Variants in DYNC1LI1 observed in about 807,000 individuals in gnomAD.
The protein encoded by DYNC1LI1 is dynein cytoplasmic 1 light intermediate chain 1.
In DYNC1LI1, 19 loss-of-function variants were observed where a neutral mutation model predicts 63.8. The observed-to-expected ratio is 0.30, with a 90% CI of 0.21 to 0.44. The LOEUF (loss-of-function observed/expected upper bound fraction) is 0.44, where lower values mean the gene tolerates loss of function less well. Among genes scored for constraint, DYNC1LI1 ranks in the 20% least tolerant of loss-of-function variants. DYNC1LI1 has a pLI of 1.00. For synonymous variants in DYNC1LI1, 225 were observed against 232.3 expected, an observed-to-expected ratio of 0.97 and a Z score of 0.28; for missense variants, 565 against 630.2, an observed-to-expected ratio of 0.90 and a Z score of 1.11.
chr3:32,545,892 T>C lies in DYNC1LI1; in HGVS notation c.294A>G (p.Gly98=), dbSNP rs1174169620. ...GCACATTTAAGTACAAATATTCCAA[T>C]CCTCTTCCTTTCTTATACTCCTCTA... ...QGIEEYKKGR[G]LEYLYLNVHD... Residue 98 remains glycine (G), a synonymous_variant, in exon 3 of 13, where the codon GGA becomes GGG. Coordinates refer to ENST00000273130, the MANE Select transcript of DYNC1LI1 (RefSeq NM_016141.4). 1.2e-6 allele frequency: 2 copies of C among 1,612,994 alleles called. No homozygotes were observed. The highest frequency in any genetic ancestry group is 1.7e-6 in the Non-Finnish European group (2 of 1,179,310).
chr3:32,530,589 T>C (rs978296713), intron 8 of DYNC1LI1, 69 bp from the exon 9 acceptor site: 6 of 1,318,292 alleles, frequency 4.6e-6, no homozygotes, highest in Admixed American at 1.8e-5. Flanking sequence ...ATTTATTCTC[T>C]AGATTGGACT....
chr3:32,541,041 G>A lies in DYNC1LI1; in HGVS notation c.734C>T (p.Thr245Ile). 2 of 1,591,782 alleles carry A rather than the reference G, an allele frequency of 1.3e-6. No homozygotes were observed. Among genetic ancestry groups the A allele is most frequent in the South Asian group, 1.1e-5 (1 of 87,452 alleles). ...NLGIPVLVVC[T>I]KCDAISVLEK... Reference sequence around the variant, plus strand: ...ATCCCTAGGAAGCAAACTAACCTTTGTGCAAACTACTAGTACTGGAATGCC... The same window carrying A: ...ATCCCTAGGAAGCAAACTAACCTTTATGCAAACTACTAGTACTGGAATGCC... The change falls in exon 5 of 13, where the codon ACA (threonine) becomes ATA (isoleucine). Residue 245 changes from threonine to isoleucine, a missense_variant. Coordinates refer to ENST00000273130, the MANE Select transcript of DYNC1LI1 (RefSeq NM_016141.4).
chr3:32,559,022 T>C (rs1244654586), intron 2 of DYNC1LI1, among the ~76,000 whole-genome samples: 1 of 151,924 alleles, frequency 6.6e-6, no homozygotes, highest in Admixed American at 6.6e-5. Context: ...TAGTGATGGA[T>C]TTAAAATGCT....
intron 7 of DYNC1LI1, among the ~76,000 whole-genome samples, 156 bp downstream of exon 7, chr3:32,534,355 G>T (rs958965265): frequency 6.6e-6 from 1 of 152,222 alleles, no homozygotes; most frequent in East Asian, 1.9e-4. Flanking sequence ...GATAAATCAA[G>T]ACAGGTTATA....
intron 2 of DYNC1LI1, among the ~76,000 whole-genome samples, chr3:32,555,910 TCCC>T (rs1698108608): frequency 6.6e-6 from 1 of 152,154 alleles, no homozygotes; most frequent in African/African-American, 2.4e-5. Flanking sequence ...AACTGTAAAA[TCCC>T]TTCAACTTTT....
intron 2 of DYNC1LI1, among the ~76,000 whole-genome samples, chr3:32,552,954 C>T (rs1698064835): frequency 1.3e-5 from 2 of 152,164 alleles, no homozygotes; most frequent in Non-Finnish European, 2.9e-5. Flanking sequence ...CTCGGCCTCC[C>T]AAAGTGCTGG....
At chr3:32,566,193 GC>G (rs1159854086) in intron 2 of DYNC1LI1, among the ~76,000 whole-genome samples, 1 of 150,954 alleles carries the variant, frequency 6.6e-6, no homozygotes, top group African/African-American at 2.4e-5. Flanking sequence ...GACGGTTTGA[GC>G]CCAGGAGGCA....
intron 4 of DYNC1LI1, 107 bp downstream of exon 4, chr3:32,544,769 T>A: frequency 8.3e-6 from 6 of 722,398 alleles, no homozygotes; most frequent in African/African-American, 1.8e-5. Flanking sequence ...GTACTTACAA[T>A]ATGCTTACTT....
intron 1 of DYNC1LI1, 44 bp from the exon 2 acceptor site, chr3:32,570,463 G>C (rs759453089): frequency 6.5e-7 from 1 of 1,542,220 alleles, no homozygotes; most frequent in Non-Finnish European, 8.8e-7. Context: ...GGCCGGAGCC[G>C]CAGCGCGGGA....
intron 2 of DYNC1LI1, among the ~76,000 whole-genome samples, chr3:32,560,876 C>T (rs1377877898): frequency 6.6e-6 from 1 of 151,288 alleles, no homozygotes; most frequent in African/African-American, 2.4e-5. Context: ...GTGGCTCATG[C>T]CTGCAATCCC....
chr3:32,569,703 G>C (rs894194544), intron 2 of DYNC1LI1, among the ~76,000 whole-genome samples: 9 of 152,260 alleles, frequency 5.9e-5, no homozygotes, highest in African/African-American at 2.2e-4. Flanking sequence ...CCAGAGAGCC[G>C]AGGAGATACA....
Position 32,529,527 on chromosome 3 carries a change from G to C in DYNC1LI1, c.1306+13C>G, listed in dbSNP as rs1439642979. On this transcript the variant is annotated intron_variant, in intron 11 of 12. Transcript: ENST00000273130. ...AAATGTATTGTCTTGTTATCTCCTA[G>C]AAAGAGATGTACCTTTCATGTTTGG... is the stretch of plus-strand genomic sequence containing the variant. 6.3e-7 allele frequency: 1 copy of C among 1,597,646 alleles called. No homozygotes were observed. The highest frequency in any genetic ancestry group is 8.5e-7 in the Non-Finnish European group (1 of 1,171,654).
intron 2 of DYNC1LI1, among the ~76,000 whole-genome samples, chr3:32,553,130 T>C (rs79371061): frequency 0.02 from 3,004 of 152,196 alleles, 42 homozygotes; most frequent in South Asian, 0.047. Context: ...ACCCAGGAGT[T>C]GAAGGCCAGT....
At chr3:32,558,781 G>C (rs1247278360) in intron 2 of DYNC1LI1, among the ~76,000 whole-genome samples, 1 of 151,972 alleles carries the variant, frequency 6.6e-6, no homozygotes, top group South Asian at 2.1e-4. Flanking sequence ...AGGAGGCAGA[G>C]GCTGCGGTAA....
At chr3:32,527,234 T>C (rs1182331210) in intron 12 of DYNC1LI1, among the ~76,000 whole-genome samples, 1 of 151,850 alleles carries the variant, frequency 6.6e-6, no homozygotes, top group Non-Finnish European at 1.5e-5. Flanking sequence ...CAGGTGGAGG[T>C]TGCAGTGAGC....
intron 2 of DYNC1LI1, among the ~76,000 whole-genome samples, chr3:32,547,463 T>C (rs545419123): frequency 3.3e-5 from 5 of 151,874 alleles, no homozygotes; most frequent in Admixed American, 3.3e-4. Context: ...TTCATTTCCA[T>C]GTTAAGCTAA....
At chr3:32,560,821 TG>T (rs1698179859) in intron 2 of DYNC1LI1, among the ~76,000 whole-genome samples, 1 of 150,850 alleles carries the variant, frequency 6.6e-6, no homozygotes, top group African/African-American at 2.4e-5. Context: ...CTGACCAACA[TG>T]GAGAAACCCC....
At position 32,526,899 on chromosome 3, in the gene DYNC1LI1, G is replaced by T; in HGVS notation, c.1472C>A (p.Pro491His). ...TAGTTCTGCATGAACATCTAAGACA[G>T]GCTTCTGGCCTACATTGAAGAAAAA... ...PPSTKKSGQKPVLDVHAELDR... is the reference protein window; with the variant it reads ...PPSTKKSGQKHVLDVHAELDR... Residue 491 changes from proline (P) to histidine (H), a missense_variant, in exon 13 of 13, where the codon CCT becomes CAT. Coordinates refer to ENST00000273130, the MANE Select transcript of DYNC1LI1 (RefSeq NM_016141.4). 1 of 1,612,848 alleles carries T rather than the reference G, an allele frequency of 6.2e-7. No homozygotes were observed. The highest frequency in any genetic ancestry group is 8.5e-7 in the Non-Finnish European group (1 of 1,179,144).
chr3:32,526,694 C>A lies in DYNC1LI1; in HGVS notation c.*105G>T. The A allele has an allele frequency of 2.6e-6, 2 of 773,908 alleles. No individual in the cohort carries two copies. The highest frequency in any genetic ancestry group is 4.3e-6 in the Non-Finnish European group (2 of 462,106). The allele number at this position is 773,908 out of a possible 1,614,324, so 47.9% of individuals were successfully genotyped here. A position where few individuals can be genotyped will look rare whatever the true frequency, so the allele number is the denominator to read the frequency against. On this transcript the variant is annotated 3_prime_UTR_variant, in exon 13 of 13. Transcript: ENST00000273130. ...ACACACACACGACATAAATTTAGTC[C>A]ATCTGAAGAAGCACTCCAGCTTTCT...
Sources: gnomAD v4.1 joint callset for allele counts (sites outside exome capture counted in the v4.1 genomes callset) on GRCh38, gnomAD v4.1.1 for gene constraint, MANE v1.5 for transcripts, NCBI Gene and HGNC (gene_info 2026-07-23, HGNC 2026-07-21) for gene names.